Variants in SATB1 observed in about 807,000 individuals in gnomAD.
SATB1 encodes the protein DNA-binding protein SATB1.
SATB1 carries 11 observed loss-of-function variants against 86.9 expected under a neutral mutation model. The observed-to-expected ratio is 0.13, with a 90% CI of 0.08 to 0.21. SATB1 has a LOEUF of 0.21. SATB1 is among the 10% of genes least tolerant of loss of function. SATB1 has a pLI of 1.00. For missense variants in SATB1, 551 were observed against 937.6 expected (o/e 0.59, Z 5.39); for synonymous variants, 357 against 357.2 (o/e 1.00, Z 0.01).
chr3:18,409,943 T>C (rs1697748460), intron 5 of SATB1, among the ~76,000 whole-genome samples: 1 of 152,068 alleles, frequency 6.6e-6, no homozygotes, highest in South Asian at 2.1e-4. Context: ...AAATGACTAA[T>C]GTTACCTTGG....
chr3:18,368,855 C>T (rs911733392), intron 9 of SATB1, among the ~76,000 whole-genome samples: 3 of 152,100 alleles, frequency 2.0e-5, no homozygotes, highest in African/African-American at 7.2e-5. Flanking sequence ...ATCCTATTTC[C>T]TCCTCCGCTC....
At chr3:18,412,555 G>T (rs1321315509) in intron 5 of SATB1, among the ~76,000 whole-genome samples, 4 of 151,926 alleles carry the variant, frequency 2.6e-5, no homozygotes, top group Admixed American at 1.3e-4. Flanking sequence ...CATGCTAAAG[G>T]TTCTCTCCCA....
At chr3:18,395,576 A>G (rs1188075723) in intron 6 of SATB1, among the ~76,000 whole-genome samples, 1 of 152,222 alleles carries the variant, frequency 6.6e-6, no homozygotes, top group East Asian at 1.9e-4. Context: ...GGCAGTAGGT[A>G]TATCTGGAAA....
At chr3:18,356,048 C>T (rs1009345519) in intron 9 of SATB1, among the ~76,000 whole-genome samples, 5 of 151,872 alleles carry the variant, frequency 3.3e-5, no homozygotes, top group Admixed American at 1.3e-4. Context: ...TTCAAAATCA[C>T]GCCTTGAGCT....
chr3:18,367,769 T>C (rs1333285287), intron 9 of SATB1, among the ~76,000 whole-genome samples: 1 of 152,204 alleles, frequency 6.6e-6, no homozygotes. Context: ...TTAACAGGCA[T>C]GCCAGGCAAA....
chr3:18,363,985 A>C (rs1264983445), intron 9 of SATB1, among the ~76,000 whole-genome samples: 1 of 147,920 alleles, frequency 6.8e-6, no homozygotes, highest in African/African-American at 2.6e-5. Flanking sequence ...GTTGTTTTAA[A>C]TGTCACTGCA....
In SATB1 at chr3:18,424,768, C is replaced by A. The variant is rs1698587787; in HGVS notation, c.-1166G>T. The A allele has an allele frequency of 6.6e-6, 1 of 152,420 alleles. No homozygotes were observed. The highest frequency in any genetic ancestry group is 2.4e-5 in the African/African-American group (1 of 41,434). 9.4% of individuals were successfully genotyped at this position (152,420 alleles called of 1,614,324 possible). On this transcript the variant is annotated 5_prime_UTR_variant, in exon 1 of 11. Transcript: ENST00000338745. ...GGGAAAAGAAACCCAGAAACCCCGA[C>A]AAAACTGATCAGGAGTTTCCCGAAA...
chr3:18,411,151 T>C (rs1169537825), intron 5 of SATB1: 2 of 351,578 alleles, frequency 5.7e-6, no homozygotes, highest in Non-Finnish European at 1.0e-5. Context: ...TACTTGAAAA[T>C]AAAAATAACA....
Position 18,443,974 on chromosome 3 carries a change from C to T in SATB1, c.-25+1544G>A, listed in dbSNP as rs1005373166. 3.3e-5 allele frequency among the ~76,000 whole-genome samples: 5 copies of T among 152,194 alleles called. No homozygotes were observed. The highest frequency in any genetic ancestry group is 2.6e-4 in the Admixed American group (4 of 15,288). ...TTCAAACTCCGGGCTCCAACTTGAG[C>T]GCCCCGGCGCCCGAGTAGCTCCCGG... On this transcript the variant is annotated intron_variant, in intron 1 of 3. Transcript: ENST00000415069. This position sits in a 1 kb window ranked among gnomAD's most constrained non-coding sequence, Gnocchi z 4.4.
At position 18,437,442 on chromosome 3, in the gene SATB1, C is replaced by T. The variant is rs115504593; in HGVS notation, c.-107-571G>A. On this transcript the variant is annotated intron_variant, in intron 1 of 3. Coordinates refer to the SATB1 transcript ENST00000414509. ...TTCTAAAAGATTTTTTTTAAAGAAT[C>T]AAGCAAGCAGCCGCTTGTATGTTAA... is the stretch of plus-strand genomic sequence containing the variant. Among the ~76,000 whole-genome samples, 1,011 of 152,158 alleles carry T rather than the reference C, an allele frequency of 6.6e-3. 15 individuals carry two copies. The highest frequency in any genetic ancestry group is 0.024 in the African/African-American group (980 of 41,544).
chr3:18,431,589 A>C lies in SATB1; in HGVS notation c.-25+5200T>G, dbSNP rs567210329. Among the ~76,000 whole-genome samples the C allele has an allele frequency of 6.6e-5, 10 of 152,296 alleles. No individual in the cohort carries two copies. In the East Asian group the frequency reaches 1.9e-3, roughly 29 times the overall value. The stretch of plus-strand genomic sequence containing the variant: ...AGACATTCAGTTTTTTAAAGCTCTC[A>C]AGGTGATTCTCATATACAGCCAGGT... On this transcript the variant is annotated intron_variant, in intron 2 of 3. Transcript: ENST00000414509.
intron 10 of SATB1, chr3:18,350,757 C>T (rs1694314587): frequency 6.5e-6 from 1 of 152,984 alleles, no homozygotes; most frequent in Non-Finnish European, 1.5e-5. Flanking sequence ...AGCTCTTTGT[C>T]AACTTGTTTT....
chr3:18,365,766 A>G (rs1190288604), intron 9 of SATB1, among the ~76,000 whole-genome samples: 3 of 152,338 alleles, frequency 2.0e-5, no homozygotes, highest in African/African-American at 7.2e-5. Context: ...AGCTTGATGG[A>G]TAAGGCTTTC....
Position 18,352,772 on chromosome 3 carries a change from A to C in SATB1, c.1576-577T>G, listed in dbSNP as rs1400704357. ...AGAATGGGCATTACAGGAATTTGCT[A>C]TGAAAGAACTCTCCAAAGAGAGACA... On this transcript the variant is annotated intron_variant, in intron 9 of 10. Coordinates refer to ENST00000338745, the MANE Select transcript of SATB1 (RefSeq NM_002971.6). This position sits in a 1 kb window ranked among gnomAD's most constrained non-coding sequence, Gnocchi z 4.1. 2 of 153,052 alleles carry C rather than the reference A, an allele frequency of 1.3e-5. No homozygotes were observed. The highest frequency in any genetic ancestry group is 4.8e-5 in the African/African-American group (2 of 41,450). The allele number at this position is 153,052 out of a possible 1,614,324, so 9.5% of individuals were successfully genotyped here.
intron 9 of SATB1, among the ~76,000 whole-genome samples, chr3:18,362,276 A>G (rs1694938770): frequency 6.6e-6 from 1 of 152,096 alleles, no homozygotes; most frequent in Admixed American, 6.6e-5. Flanking sequence ...GTGAACACAA[A>G]CAGCCCTTTG....
intron 2 of SATB1, chr3:18,417,625 T>C: frequency 1.5e-6 from 1 of 682,804 alleles, no homozygotes; most frequent in East Asian, 2.7e-5. Flanking sequence ...TTCTTCCTTT[T>C]TTAGATATTA....
In SATB1 at chr3:18,420,712, C is replaced by A. The variant is rs2125170690; in HGVS notation, c.211+45G>T. The A allele has an allele frequency of 1.9e-6, 3 of 1,538,586 alleles. No individual in the cohort carries two copies. In the South Asian group the frequency reaches 3.4e-5, roughly 17 times the overall value. Reference sequence around the variant, plus strand: ...CCCACACAGTGTGGCCTTGTGTAGACAACAGGGCTTTCAGCTTTTCAAGAT... The same window carrying A: ...CCCACACAGTGTGGCCTTGTGTAGAAAACAGGGCTTTCAGCTTTTCAAGAT... On this transcript the variant is annotated intron_variant, in intron 2 of 10. Coordinates refer to ENST00000338745, the MANE Select transcript of SATB1 (RefSeq NM_002971.6).
chr3:18,353,518 T>C (rs9852969), intron 9 of SATB1, among the ~76,000 whole-genome samples: 107,614 of 152,034 alleles, frequency 0.71, 38,981 homozygotes, highest in East Asian at 0.91. Context: ...ATAAATTAGT[T>C]GGATGAAAAT....
In SATB1 at chr3:18,352,417, GAGGGAC is replaced by G; in HGVS notation, c.1576-228_1576-223del. 1.9e-6 allele frequency: 1 copy of G among 514,678 alleles called. No individual in the cohort carries two copies. The highest frequency in any genetic ancestry group is 3.5e-6 in the Non-Finnish European group (1 of 286,618). 31.9% of individuals were successfully genotyped at this position (514,678 alleles called of 1,614,324 possible). ...CAAAGTTCAGATTTGCATCTCAAAGGAGGGACATATTTTTTCAGACTCTGAGGGTAA... is the reference window on the plus strand; with the variant it reads ...CAAAGTTCAGATTTGCATCTCAAAGGATATTTTTTCAGACTCTGAGGGTAA... On this transcript the variant is annotated intron_variant, in intron 9 of 10. Transcript: ENST00000338745. The surrounding 1 kb of genome is among the most constrained non-coding windows in gnomAD (Gnocchi z 4.1).
Sources: gnomAD v4.1 joint callset for allele counts (sites outside exome capture counted in the v4.1 genomes callset) on GRCh38, gnomAD v4.1.1 for gene constraint, Gnocchi (gnomAD v3.1) non-coding constraint, MANE v1.5 for transcripts, NCBI Gene and HGNC (gene_info 2026-07-23, HGNC 2026-07-21) for gene names.